Variants in SEPTIN9 observed in about 807,000 individuals in gnomAD.
SEPTIN9 encodes the protein septin-9.
A neutral mutation model predicts 56.6 loss-of-function variants in SEPTIN9; 13 were observed. That is an observed-to-expected ratio of 0.23 (90% CI 0.15 to 0.37). SEPTIN9 has a LOEUF of 0.37. SEPTIN9 is among the 10% of genes least tolerant of loss of function. The pLI is 1.00. For synonymous variants in SEPTIN9, 332 were observed against 334.1 expected (o/e 0.99, Z 0.07); for missense variants, 650 against 823.1 (o/e 0.79, Z 2.57).
rs777501526 is a variant in SEPTIN9, at chr17:77,307,208, C to G, written c.76+11C>G. 6 of 1,612,644 alleles carry G rather than the reference C, an allele frequency of 3.7e-6. No homozygotes were observed. In the South Asian group the frequency reaches 5.5e-5, roughly 15 times the overall value. On this transcript the variant is annotated intron_variant, in intron 2 of 11. Coordinates refer to ENST00000427177, the MANE Select transcript of SEPTIN9 (RefSeq NM_001113491.2). ...ACTCCAGTGGCCCAGGTAGGTGGCT[C>G]GCTCCGCTCTGGCCCCACCCAGCTC... is the stretch of plus-strand genomic sequence containing the variant.
rs75300826 is a variant in SEPTIN9, at chr17:77,481,408, C to G, written c.722-736C>G. On this transcript the variant is annotated intron_variant, in intron 3 of 11. Transcript: ENST00000427177. ...GAGGCAGATGTGGTGCAGGGGCCCC[C>G]CTCCTCCATGAGCCCAGGAACAGCT... Among the ~76,000 whole-genome samples, 4 of 151,972 alleles carry G rather than the reference C, an allele frequency of 2.6e-5. No individual in the cohort carries two copies. The East Asian group carries it at 7.8e-4, about 29-fold the overall frequency.
chr17:77,372,714 C>T (rs2034759881), intron 2 of SEPTIN9, among the ~76,000 whole-genome samples: 1 of 152,080 alleles, frequency 6.6e-6, no homozygotes, highest in South Asian at 2.1e-4. Flanking sequence ...GCAGCGGTGG[C>T]CCCCGGGGCG....
chr17:77,472,118 C>T (rs372194963), intron 3 of SEPTIN9, among the ~76,000 whole-genome samples: 3 of 152,046 alleles, frequency 2.0e-5, no homozygotes, highest in South Asian at 4.2e-4. Context: ...CTCAATAGGC[C>T]GCGGAGCCTG....
chr17:77,320,323 A>G (rs1301085777), intron 2 of SEPTIN9: 1 of 1,613,086 alleles, frequency 6.2e-7, no homozygotes, highest in African/African-American at 1.3e-5. Flanking sequence ...ATATATCCGT[A>G]GGAATGGAGA....
At chr17:77,390,589 C>T (rs1041269617) in intron 2 of SEPTIN9, among the ~76,000 whole-genome samples, 1 of 151,058 alleles carries the variant, frequency 6.6e-6, no homozygotes, top group African/African-American at 2.4e-5. Flanking sequence ...GTAGCTGGGA[C>T]TACAGGCGCC....
Position 77,405,253 on chromosome 17 carries a change from C to G in SEPTIN9, c.721+2550C>G. Reference sequence around the variant, plus strand: ...CGGGAGCCAGGCCCAGGGACACAACCTGCGGGCTCTGCTTTCTGGAGCTCA... The same window carrying G: ...CGGGAGCCAGGCCCAGGGACACAACGTGCGGGCTCTGCTTTCTGGAGCTCA... On this transcript the variant is annotated intron_variant, in intron 3 of 11. Coordinates refer to ENST00000427177, the MANE Select transcript of SEPTIN9 (RefSeq NM_001113491.2). This position sits in a 1 kb window ranked among gnomAD's most constrained non-coding sequence, Gnocchi z 5.8. 1 of 863,660 alleles carries G rather than the reference C, an allele frequency of 1.2e-6. No individual in the cohort carries two copies. Among genetic ancestry groups the G allele is most frequent in the Non-Finnish European group, 1.8e-6 (1 of 565,514 alleles). 53.5% of individuals were successfully genotyped at this position (863,660 alleles called of 1,614,324 possible).
intron 2 of SEPTIN9, among the ~76,000 whole-genome samples, chr17:77,379,496 GC>G (rs1232052221): frequency 6.6e-6 from 1 of 152,158 alleles, no homozygotes; most frequent in Non-Finnish European, 1.5e-5. Context: ...TGTGACCTCT[GC>G]CTACCCGTTG....
rs76601051 is a variant in SEPTIN9, at chr17:77,465,600, A to G, written c.722-16544A>G. 5.4e-3 allele frequency among the ~76,000 whole-genome samples: 722 copies of G among 133,470 alleles called. 9 individuals are homozygous for G. Among genetic ancestry groups the G allele is most frequent in the South Asian group, 0.04 (152 of 3,816 alleles). 87.6% of individuals were successfully genotyped at this position (133,470 alleles called of 152,430 possible). On this transcript the variant is annotated intron_variant, in intron 3 of 11. Transcript: ENST00000427177. The stretch of plus-strand genomic sequence containing the variant: ...GCTCCATGAACTAGGATGAATGGAC[A>G]TTGAATCAACGCAGGGATGGGTGGG...
intron 2 of SEPTIN9, among the ~76,000 whole-genome samples, chr17:77,366,642 T>G (rs312887): frequency 1.3e-5 from 2 of 152,048 alleles, no homozygotes; most frequent in Non-Finnish European, 2.9e-5. Context: ...TCCCTGCCCC[T>G]GCCACTTGCT....
rs1374953914 is a variant in SEPTIN9, at chr17:77,318,745, G to A, written c.76+11548G>A. ...TGGGGTCCTATCCCAGGCAGAGAGCGGACGGGACTGTGGCCTGAAGTGGCA... is the reference window on the plus strand; with the variant it reads ...TGGGGTCCTATCCCAGGCAGAGAGCAGACGGGACTGTGGCCTGAAGTGGCA... On this transcript the variant is annotated intron_variant, in intron 2 of 11. Transcript: ENST00000427177. The surrounding 1 kb of genome is among the most constrained non-coding windows in gnomAD (Gnocchi z 4.9). Among the ~76,000 whole-genome samples the A allele has an allele frequency of 3.9e-5, 6 of 152,126 alleles. No individual in the cohort carries two copies. Among genetic ancestry groups the A allele is most frequent in the Admixed American group, 6.5e-5 (1 of 15,272 alleles).
At chr17:77,320,883 G>A (rs1408764249) in intron 2 of SEPTIN9, among the ~76,000 whole-genome samples, 2 of 152,250 alleles carry the variant, frequency 1.3e-5, no homozygotes, top group Non-Finnish European at 2.9e-5. Flanking sequence ...GTGTGTGCAC[G>A]TGTGTGTGCA....
intron 2 of SEPTIN9, among the ~76,000 whole-genome samples, chr17:77,391,723 C>G (rs188248613): frequency 3.5e-4 from 53 of 152,288 alleles, no homozygotes; most frequent in Non-Finnish European, 5.4e-4. Flanking sequence ...TCTGGAGGTT[C>G]CTTGTAAAGG....
chr17:77,308,338 A>C (rs959955996), intron 2 of SEPTIN9, among the ~76,000 whole-genome samples: 2 of 152,234 alleles, frequency 1.3e-5, no homozygotes, highest in African/African-American at 4.8e-5. Context: ...CCTTCAGAAC[A>C]AGGTGAGACA....
intron 1 of SEPTIN9, among the ~76,000 whole-genome samples, chr17:77,296,426 G>T (rs1461606908): frequency 6.6e-6 from 1 of 151,948 alleles, no homozygotes; most frequent in Non-Finnish European, 1.5e-5. Context: ...CAGACAAATG[G>T]CTAGATAGAC....
At chr17:77,424,083 T>C (rs8065422) in intron 3 of SEPTIN9, among the ~76,000 whole-genome samples, 47,759 of 152,194 alleles carry the variant, frequency 0.31, 8,225 homozygotes, top group Non-Finnish European at 0.4. Flanking sequence ...ACCTTATTAA[T>C]ATTTCATGAA....
At position 77,492,617 on chromosome 17, in the gene SEPTIN9, C is replaced by G. The variant is rs2040076958; in HGVS notation, c.1381-4C>G. ...GGGCCCATCTCTCTCCCTCCTTATC[C>G]CAGATCACCGCAGACCTGCTGTCCA... On this transcript the variant is annotated splice_region_variant and splice_polypyrimidine_tract_variant and intron_variant, in intron 8 of 11. Transcript: ENST00000427177. This position sits in a 1 kb window ranked among gnomAD's most constrained non-coding sequence, Gnocchi z 5.4. The G allele has an allele frequency of 6.2e-7, 1 of 1,613,872 alleles. No individual in the cohort carries two copies. Among genetic ancestry groups the G allele is most frequent in the East Asian group, 2.2e-5 (1 of 44,876 alleles).
At chr17:77,291,387 C>G (rs1375066117) in intron 1 of SEPTIN9, among the ~76,000 whole-genome samples, 1 of 151,278 alleles carries the variant, frequency 6.6e-6, no homozygotes, top group African/African-American at 2.4e-5. Flanking sequence ...GTGGCTCATG[C>G]CTGTAATCCT....
intron 2 of SEPTIN9, among the ~76,000 whole-genome samples, chr17:77,388,009 C>A (rs1777442886): frequency 6.6e-6 from 1 of 152,014 alleles, no homozygotes; most frequent in African/African-American, 2.4e-5. Flanking sequence ...TCTTGTAGGC[C>A]CCTCTGGTCT....
chr17:77,454,734 G>T (rs550755869), intron 3 of SEPTIN9, among the ~76,000 whole-genome samples: 1 of 152,194 alleles, frequency 6.6e-6, no homozygotes, highest in African/African-American at 2.4e-5. Flanking sequence ...CCTGGGAATC[G>T]CACACTGCCC....
Sources: gnomAD v4.1 joint callset for allele counts (sites outside exome capture counted in the v4.1 genomes callset) on GRCh38, gnomAD v4.1.1 for gene constraint, Gnocchi (gnomAD v3.1) non-coding constraint, MANE v1.5 for transcripts, NCBI Gene and HGNC (gene_info 2026-07-23, HGNC 2026-07-21) for gene names.